Variants in SLC25A31 observed in about 807,000 individuals in gnomAD.
SLC25A31 encodes solute carrier family 25 member 31, also known as ADP/ATP translocase 4.
A neutral mutation model predicts 36.2 loss-of-function variants in SLC25A31; 40 were observed. The ratio of observed to expected loss-of-function variants is 1.10; its 90% confidence interval spans 0.86 to 1.44. The LOEUF (loss-of-function observed/expected upper bound fraction) is 1.44, where lower values mean the gene tolerates loss of function less well. Ranked by LOEUF, SLC25A31 falls within the 40% of genes most tolerant of loss-of-function variation. The probability of loss-of-function intolerance (pLI) is 0.00; values close to 1 mark genes in which losing one functional copy is unlikely to be tolerated. For synonymous variants in SLC25A31, 143 were observed against 149.7 expected, an observed-to-expected ratio of 0.96 and a Z score of 0.32; for missense variants, 350 against 397.1, an observed-to-expected ratio of 0.88 and a Z score of 1.01.
At chr4:127,743,174 A>G (rs1731763394) in intron 1 of SLC25A31, among the ~76,000 whole-genome samples, 1 of 144,920 alleles carries the variant, frequency 6.9e-6, no homozygotes, top group South Asian at 2.2e-4. Flanking sequence ...TCTGTCACGC[A>G]TGCTGGAATG....
chr4:127,731,811 A>T (rs1270879285), intron 1 of SLC25A31, among the ~76,000 whole-genome samples: 1 of 152,188 alleles, frequency 6.6e-6, no homozygotes, highest in Non-Finnish European at 1.5e-5. Flanking sequence ...CAGGAAAAAA[A>T]AAAAACTTTA....
At chr4:127,761,230 A>G (rs905381930) in intron 2 of SLC25A31, among the ~76,000 whole-genome samples, 2 of 152,086 alleles carry the variant, frequency 1.3e-5, no homozygotes, top group African/African-American at 4.8e-5. Context: ...CACTTTCTGT[A>G]TCAGAAGTGT....
intron 1 of SLC25A31, among the ~76,000 whole-genome samples, chr4:127,732,772 A>T (rs2148751426): frequency 6.6e-6 from 1 of 152,320 alleles, no homozygotes; most frequent in East Asian, 1.9e-4. Flanking sequence ...TTATGAAGGT[A>T]CCATGGTGTA....
At chr4:127,736,301 T>G (rs1241802433) in intron 1 of SLC25A31, among the ~76,000 whole-genome samples, 1 of 152,234 alleles carries the variant, frequency 6.6e-6, no homozygotes, top group Non-Finnish European at 1.5e-5. Flanking sequence ...CTCATCCTTC[T>G]TAAATTTTGA....
chr4:127,730,587 G>C lies in SLC25A31; in HGVS notation c.42G>C (p.Leu14=), dbSNP rs1731499188. 1 of 1,613,980 alleles carries C rather than the reference G, an allele frequency of 6.2e-7. No homozygotes were observed. Among genetic ancestry groups the C allele is most frequent in the African/African-American group, 1.3e-5 (1 of 74,930 alleles). The change falls in exon 1 of 6, where the codon CTG becomes CTC. Residue 14 remains leucine, a synonymous_variant. Coordinates refer to ENST00000281154, the MANE Select transcript of SLC25A31 (RefSeq NM_031291.4). ...EPAKKKAEKR[L]FDASSFGKDL... is the part of the protein sequence containing the mutation. ...CGAAAAAGAAGGCAGAAAAGCGGCT[G>C]TTTGACGCCTCATCCTTCGGGAAGG... is the stretch of plus-strand genomic sequence containing the variant.
intron 2 of SLC25A31, among the ~76,000 whole-genome samples, chr4:127,752,032 C>T (rs909141834): frequency 6.6e-6 from 1 of 151,924 alleles, no homozygotes; most frequent in African/African-American, 2.4e-5. Context: ...GGATCTAGAA[C>T]TAGAAATAAC....
intron 2 of SLC25A31, among the ~76,000 whole-genome samples, chr4:127,746,669 G>A (rs564048226): frequency 1.3e-5 from 2 of 152,040 alleles, no homozygotes; most frequent in African/African-American, 4.8e-5. Flanking sequence ...GTAGATGCTA[G>A]ATAGTAGCTA....
At position 127,730,608 on chromosome 4, in the gene SLC25A31, G is replaced by A; in HGVS notation, c.63G>A (p.Gly21=). Residue 21 remains glycine, a synonymous_variant, in exon 1 of 6, where the codon GGG becomes GGA. Transcript: ENST00000281154. ...GGCTGTTTGACGCCTCATCCTTCGG[G>A]AAGGACCTTCTGGCCGGCGGAGTCG... ...EKRLFDASSF[G]KDLLAGGVAA... is the part of the protein sequence containing the mutation. 6.2e-7 allele frequency: 1 copy of A among 1,614,096 alleles called. No homozygotes were observed. The highest frequency in any genetic ancestry group is 8.5e-7 in the Non-Finnish European group (1 of 1,179,950).
At chr4:127,748,603 C>A (rs74869828) in intron 2 of SLC25A31, among the ~76,000 whole-genome samples, 2,005 of 152,292 alleles carry the variant, frequency 0.013, 27 homozygotes, top group Non-Finnish European at 0.019. Context: ...TTGAGACAGT[C>A]CAGTTCACCC....
chr4:127,764,303 T>C lies in SLC25A31; in HGVS notation c.421T>C (p.Cys141Arg), dbSNP rs116063431. 2.9e-5 allele frequency: 47 copies of C among 1,614,168 alleles called. No homozygotes were observed. Among genetic ancestry groups the C allele is most frequent in the Admixed American group, 5.0e-5 (3 of 60,030 alleles). The change falls in exon 3 of 6, where the codon TGT (cysteine) becomes CGT (arginine). Residue 141 changes from cysteine to arginine, a missense_variant. Cys to Arg is a radical substitution (Grantham distance 180, BLOSUM62 -3). Transcript: ENST00000281154. ...TGGAGCTGCTGGGGCAACATCCTTATGTGTAGTATATCCTCTAGATTTTGC... is the reference window on the plus strand; with the variant it reads ...TGGAGCTGCTGGGGCAACATCCTTACGTGTAGTATATCCTCTAGATTTTGC... ...SGGAAGATSL[C>R]VVYPLDFART...
rs1026903982 is a variant in SLC25A31 at position 127,730,424 on chromosome 4, C to G, written c.-122C>G. 3 of 1,102,154 alleles carry G rather than the reference C, an allele frequency of 2.7e-6. No individual in the cohort carries two copies. Among genetic ancestry groups the G allele is most frequent in the South Asian group, 1.6e-5 (1 of 63,620 alleles). The allele number at this position is 1,102,154 out of a possible 1,614,324, so 68.3% of individuals were successfully genotyped here. On this transcript the variant is annotated 5_prime_UTR_variant, in exon 1 of 6. Transcript: ENST00000281154. Reference sequence around the variant, plus strand: ...CGCCGGCGCGCGGCTCTCTCAGCGTCCCAAGAGCCACTTTCTCGCCAGTAC... The same window carrying G: ...CGCCGGCGCGCGGCTCTCTCAGCGTGCCAAGAGCCACTTTCTCGCCAGTAC...
intron 1 of SLC25A31, among the ~76,000 whole-genome samples, chr4:127,736,665 G>A (rs192177928): frequency 6.6e-6 from 1 of 152,220 alleles, no homozygotes; most frequent in East Asian, 1.9e-4. Context: ...ACCTTTCTCA[G>A]CCCCAGTTCC....
rs1263995637 is a variant in SLC25A31 at position 127,730,718 on chromosome 4, G to A, written c.173G>A (p.Ser58Asn). 13 of 1,613,814 alleles carry A rather than the reference G, an allele frequency of 8.1e-6. No individual in the cohort carries two copies. Among genetic ancestry groups the A allele is most frequent in the Non-Finnish European group, 1.1e-5 (13 of 1,179,936 alleles). ...GTGCAGGCGTCGTCGAAGCAGATCA[G>A]CCCCGAGGCGCGGTACAAAGGCATG... ...LQVQASSKQISPEARYKGMVD... is the reference protein window; with the variant it reads ...LQVQASSKQINPEARYKGMVD... Residue 58 changes from serine (S) to asparagine (N), a missense_variant, in exon 1 of 6, where the codon AGC becomes AAC. By Grantham distance (46) the Ser-to-Asn change is conservative. Transcript: ENST00000281154.
intron 1 of SLC25A31, among the ~76,000 whole-genome samples, chr4:127,733,313 T>C (rs1273011654): frequency 1.3e-5 from 2 of 152,210 alleles, no homozygotes; most frequent in African/African-American, 2.4e-5. Context: ...GAATTTTTAA[T>C]TTTTTCAGAT....
intron 5 of SLC25A31, among the ~76,000 whole-genome samples, chr4:127,771,468 G>C (rs1333569420): frequency 1.3e-5 from 2 of 152,088 alleles, no homozygotes; most frequent in African/African-American, 2.4e-5. Context: ...CCACAACTTT[G>C]TTAACCCTAT....
At chr4:127,772,381 T>A (rs1292875190) in intron 5 of SLC25A31, among the ~76,000 whole-genome samples, 1 of 152,200 alleles carries the variant, frequency 6.6e-6, no homozygotes, top group Non-Finnish European at 1.5e-5. Flanking sequence ...GCTCTTAAAT[T>A]TCTGGATCAT....
chr4:127,734,149 C>G (rs1438862527), intron 1 of SLC25A31, among the ~76,000 whole-genome samples: 1 of 152,094 alleles, frequency 6.6e-6, no homozygotes, highest in East Asian at 1.9e-4. Context: ...AAAGTAACAT[C>G]ACTGCTAAAG....
chr4:127,743,446 A>G (rs755999725), intron 1 of SLC25A31, among the ~76,000 whole-genome samples: 5 of 152,084 alleles, frequency 3.3e-5, no homozygotes, highest in Non-Finnish European at 5.9e-5. Flanking sequence ...TAGTTTTTAA[A>G]CTTTTTAAAG....
chr4:127,751,587 TAAAGAGCTTCTGCACAGCA>T (rs1731933960), intron 2 of SLC25A31, among the ~76,000 whole-genome samples: 1 of 152,068 alleles, frequency 6.6e-6, no homozygotes. Flanking sequence ...CTAATTAAAC[TAAAGAGCTTCTGCACAGCA>T]AAAGAAACTA....
Sources: gnomAD v4.1 joint callset for allele counts (sites outside exome capture counted in the v4.1 genomes callset) on GRCh38, gnomAD v4.1.1 for gene constraint, MANE v1.5 for transcripts, NCBI Gene and HGNC (gene_info 2026-07-23, HGNC 2026-07-21) for gene names.